The following DNAH10 variants were observed in gnomAD, a reference collection of about 807,000 sequenced individuals.
The protein encoded by DNAH10 is axonemal beta dynein heavy chain 10.
Under a neutral mutation model 506.6 loss-of-function variants are expected in DNAH10, and 348 were observed. That is an observed-to-expected ratio of 0.69 (90% confidence interval 0.63 to 0.75). The LOEUF is 0.75. DNAH10 is among the 30% of genes least tolerant of loss of function. The pLI is 0.00. For synonymous variants in DNAH10, 2,059 were observed against 2,198.6 expected, an observed-to-expected ratio of 0.94 and a Z score of 1.78; for missense variants, 5,179 against 5,787.1, an observed-to-expected ratio of 0.89 and a Z score of 3.41.
At chr12:123,821,448 A>G (rs1414167652) in intron 24 of DNAH10, among the ~76,000 whole-genome samples, 1 of 152,142 alleles carries the variant, frequency 6.6e-6, no homozygotes, top group Non-Finnish European at 1.5e-5. Flanking sequence ...CTTCTGCCTC[A>G]GCCTGCAAAG....
At chr12:123,935,297 C>T (rs1306887830) in intron 78 of DNAH10, 38 bp from the exon 79 acceptor site, 2 of 1,578,114 alleles carry the variant, frequency 1.3e-6, no homozygotes, top group Non-Finnish European at 1.7e-6. Flanking sequence ...TCTGCACCCT[C>T]TCTCCGTGGG....
chr12:123,915,117 C>T, intron 62 of DNAH10, 118 bp downstream of exon 62: 1 of 1,340,768 alleles, frequency 7.5e-7, no homozygotes, highest in Non-Finnish European at 9.9e-7. Flanking sequence ...TGAAATGCTT[C>T]CATCCTGACC....
At chr12:123,816,674 G>T (rs1344361857) in intron 21 of DNAH10, among the ~76,000 whole-genome samples, 1 of 152,228 alleles carries the variant, frequency 6.6e-6, no homozygotes, top group African/African-American at 2.4e-5. Flanking sequence ...AGACGTGTGT[G>T]GGGGAACCCC....
intron 1 of DNAH10, among the ~76,000 whole-genome samples, chr12:123,763,367 AGGAGCACCAGCT>A (rs147187713): frequency 0.049 from 7,524 of 152,052 alleles, 549 homozygotes; most frequent in African/African-American, 0.16. Context: ...GCCTCCTCGC[AGGAGCACCAGCT>A]GGAGCACAGC....
chr12:123,826,586 C>G, intron 24 of DNAH10, 101 bp from the exon 25 acceptor site: 1 of 1,059,878 alleles, frequency 9.4e-7, no homozygotes, highest in Non-Finnish European at 1.4e-6. Context: ...ATGGGTAATA[C>G]TTTAAAATAT....
rs769378417 is a variant in DNAH10, at chr12:123,850,980, G to A, written c.6195G>A (p.Ser2065=). Residue 2065 remains serine, a synonymous_variant, in exon 35 of 79, where the codon TCG becomes TCA. Transcript: ENST00000673944. This position sits in a 1 kb window ranked among gnomAD's most constrained non-coding sequence, Gnocchi z 5.5. ...GYAGRTELPE[S]VKALFRPVVV... is the part of the protein sequence containing the mutation. ...CAGGCCGCACGGAGCTGCCCGAGTC[G>A]GTGAAGGCGCTGTTCAGGCCTGTGG... 2.6e-5 allele frequency: 42 copies of A among 1,613,988 alleles called. 1 individual carries two copies. The highest frequency in any genetic ancestry group is 1.6e-4 in the Middle Eastern group (1 of 6,084).
chr12:123,770,971 A>ACTTTTTTTTTTT lies in DNAH10; in HGVS notation c.299-630_299-629insCTTTTTTTTTTT, dbSNP rs1283951087. On this transcript the variant is annotated intron_variant, in intron 2 of 78. Transcript: ENST00000673944. Reference sequence around the variant, plus strand: ...AGTAAATGCTAACATGCTAGCTGTAATTCTTTTTTTTTTTTTTTTTTGAGA... The same window carrying ACTTTTTTTTTTT: ...AGTAAATGCTAACATGCTAGCTGTAACTTTTTTTTTTTTTCTTTTTTTTTTTTTTTTTTGAGA... Among the ~76,000 whole-genome samples the ACTTTTTTTTTTT allele has an allele frequency of 1.7e-5, 2 of 117,888 alleles. 1 individual carries two copies. The highest frequency in any genetic ancestry group is 6.8e-5 in the African/African-American group (2 of 29,560). 77.3% of individuals were successfully genotyped at this position (117,888 alleles called of 152,430 possible). A position where few individuals can be genotyped will look rare whatever the true frequency, so the allele number is the denominator to read the frequency against.
chr12:123,819,279 G>A (rs2136402900), intron 23 of DNAH10, 29 bp downstream of exon 23: 1 of 1,543,566 alleles, frequency 6.5e-7, no homozygotes, highest in South Asian at 1.1e-5. Flanking sequence ...GTCTTACTGA[G>A]CGATCTGAGT....
chr12:123,765,624 TTATC>T (rs986285638), intron 1 of DNAH10, among the ~76,000 whole-genome samples: 8 of 149,294 alleles, frequency 5.4e-5, no homozygotes, highest in Non-Finnish European at 7.4e-5. Context: ...ATACATCTAT[TTATC>T]TATCTCCTGT....
chr12:123,848,900 C>T lies in DNAH10; in HGVS notation c.6102+18C>T. The T allele has an allele frequency of 6.2e-7, 1 of 1,612,154 alleles. No individual in the cohort carries two copies. The highest frequency in any genetic ancestry group is 8.5e-7 in the Non-Finnish European group (1 of 1,179,106). On this transcript the variant is annotated intron_variant, in intron 34 of 78. Transcript: ENST00000673944. Reference sequence around the variant, plus strand: ...CGTTCCAGGTGAGACACATGAAGCCCCCGGGACCATGTCCCTAGGATGGAA... The same window carrying T: ...CGTTCCAGGTGAGACACATGAAGCCTCCGGGACCATGTCCCTAGGATGGAA...
intron 13 of DNAH10, among the ~76,000 whole-genome samples, chr12:123,798,612 G>A (rs906413616): frequency 6.6e-6 from 1 of 151,830 alleles, no homozygotes; most frequent in Non-Finnish European, 1.5e-5. Flanking sequence ...TATCACCATC[G>A]CAGACCAACT....
chr12:123,819,350 T>C, intron 23 of DNAH10, 100 bp downstream of exon 23: 1 of 817,456 alleles, frequency 1.2e-6, no homozygotes, highest in Non-Finnish European at 2.0e-6. Context: ...GGTGCCGTGA[T>C]TAAAATATTT....
chr12:123,835,293 GT>G, intron 27 of DNAH10, 112 bp from the exon 28 acceptor site: 1 of 1,245,258 alleles, frequency 8.0e-7, no homozygotes, highest in Non-Finnish European at 1.1e-6. Context: ...TGCCTGGAAG[GT>G]CCTCCCACCT....
intron 26 of DNAH10, 128 bp downstream of exon 26, chr12:123,830,827 C>A: frequency 2.0e-6 from 2 of 1,001,488 alleles, no homozygotes; most frequent in Non-Finnish European, 2.7e-6. Flanking sequence ...CCATTACTCC[C>A]AGCTTCTTGG....
rs141901776 is a variant in DNAH10, at chr12:123,813,446, T to C, written c.3427T>C (p.Leu1143=). Residue 1143 remains leucine, a synonymous_variant, in exon 20 of 79, where the codon TTG becomes CTG. Coordinates refer to ENST00000673944, the MANE Select transcript of DNAH10 (RefSeq NM_001372106.1). ...TCCTTGTGTAGCATATGATGAAAAGTTGCAGTTCTATTCCAAGATAGCTTA... is the reference window on the plus strand; with the variant it reads ...TCCTTGTGTAGCATATGATGAAAAGCTGCAGTTCTATTCCAAGATAGCTTA... ...KPPCVAYDEK[L]QFYSKIAYEV... 3.7e-6 allele frequency: 6 copies of C among 1,614,226 alleles called. No homozygotes were observed. In the South Asian group the frequency reaches 5.5e-5, roughly 15 times the overall value.
intron 2 of DNAH10, among the ~76,000 whole-genome samples, chr12:123,770,947 G>A (rs1566314843): frequency 6.7e-6 from 1 of 149,446 alleles, no homozygotes; most frequent in Non-Finnish European, 1.5e-5. Flanking sequence ...TGAAAAAGGA[G>A]TAAATGCTAA....
intron 1 of DNAH10, among the ~76,000 whole-genome samples, chr12:123,766,380 T>C (rs1957050965): frequency 6.6e-6 from 1 of 152,178 alleles, no homozygotes; most frequent in Non-Finnish European, 1.5e-5. Flanking sequence ...ATAATGATAA[T>C]ATATGGATAT....
intron 53 of DNAH10, 44 bp downstream of exon 53, chr12:123,893,480 A>G (rs763002865): frequency 9.9e-6 from 16 of 1,608,230 alleles, no homozygotes; most frequent in Non-Finnish European, 1.4e-5. Context: ...CTGCTTTGGC[A>G]GAGTGTGTGG....
At chr12:123,799,427 C>G in intron 14 of DNAH10, 56 bp downstream of exon 14, 1 of 1,560,140 alleles carries the variant, frequency 6.4e-7, no homozygotes, top group Admixed American at 1.8e-5. Context: ...GCGTCTGCCA[C>G]ATTTTCTCAA....
Sources: gnomAD v4.1 joint callset for allele counts (sites outside exome capture counted in the v4.1 genomes callset) on GRCh38, gnomAD v4.1.1 for gene constraint, Gnocchi (gnomAD v3.1) non-coding constraint, MANE v1.5 for transcripts, NCBI Gene and HGNC (gene_info 2026-07-23, HGNC 2026-07-21) for gene names.